The following SP3 variants were observed in gnomAD, a reference collection of about 807,000 sequenced individuals.
The protein encoded by SP3 is Sp3 transcription factor, also known as transcription factor Sp3.
A neutral mutation model predicts 70.3 loss-of-function variants in SP3; 10 were observed. That is an observed-to-expected ratio of 0.14 (90% CI 0.09 to 0.24). The LOEUF (loss-of-function observed/expected upper bound fraction) is 0.24, where lower values mean the gene tolerates loss of function less well. Ranked by LOEUF, SP3 falls within the 10% of genes least tolerant of loss-of-function variation. The pLI is 1.00. For missense variants in SP3, 825 were observed against 914.6 expected, an observed-to-expected ratio of 0.90 and a Z score of 1.26; for synonymous variants, 402 against 333.5, an observed-to-expected ratio of 1.21 and a Z score of -2.24.
rs954218973 is a variant in SP3 at position 173,905,580 on chromosome 2, G to A, written c.*4361C>T. Among the ~76,000 whole-genome samples, 2 of 151,772 alleles carry A rather than the reference G, an allele frequency of 1.3e-5. No homozygotes were observed. The highest frequency in any genetic ancestry group is 4.8e-5 in the African/African-American group (2 of 41,268). ...TTAAACGTATTTAATACAATGAAGT[G>A]GCATGAATCATGTTACATGACAATA... On this transcript the variant is annotated 3_prime_UTR_variant, in exon 7 of 7. Coordinates refer to ENST00000310015, the MANE Select transcript of SP3 (RefSeq NM_003111.5).
intron 4 of SP3, among the ~76,000 whole-genome samples, chr2:173,920,021 GAACATT>G (rs1052923615): frequency 4.0e-4 from 61 of 152,128 alleles, no homozygotes; most frequent in African/African-American, 1.4e-3. Context: ...TTAAAACAAT[GAACATT>G]AACAACAACT....
At position 173,955,368 on chromosome 2, in the gene SP3, G is replaced by C. The variant is rs1559108586; in HGVS notation, c.1144C>G (p.Gln382Glu). 1 of 1,613,956 alleles carries C rather than the reference G, an allele frequency of 6.2e-7. No homozygotes were observed. Among genetic ancestry groups the C allele is most frequent in the Middle Eastern group, 1.6e-4 (1 of 6,062 alleles). Reference sequence around the variant, plus strand: ...GTAGAAACCTGAATATTCTGTGCCTGTGTCTCTTCAGAAACAGGCGACTGG... The same window carrying C: ...GTAGAAACCTGAATATTCTGTGCCTCTGTCTCTTCAGAAACAGGCGACTGG... ...YIQSPVSEET[Q>E]AQNIQVSTAQ... is the part of the protein sequence containing the mutation. The change falls in exon 4 of 7, where the codon CAG becomes GAG. Residue 382 changes from glutamine (Q) to glutamate (E), a missense_variant. Around this residue, in one of 4 missense-constraint regions of SP3, gnomAD observed 678 missense variants for 651.6 expected, o/e 1.04. Transcript: ENST00000310015.
intron 3 of SP3, among the ~76,000 whole-genome samples, chr2:173,957,504 A>G (rs550272254): frequency 1.3e-5 from 2 of 152,294 alleles, no homozygotes; most frequent in East Asian, 1.9e-4. Flanking sequence ...AAAATCACAA[A>G]AAGAAACCCT....
intron 1 of SP3, 48 bp downstream of exon 1, chr2:173,965,117 A>AGCG (rs771317958): frequency 2.7e-5 from 42 of 1,542,208 alleles, no homozygotes; most frequent in South Asian, 1.6e-4. Flanking sequence ...GGTCGGCGGC[A>AGCG]GCGGCGGCGG....
chr2:173,957,419 A>G (rs1690931498), intron 3 of SP3, among the ~76,000 whole-genome samples: 1 of 152,168 alleles, frequency 6.6e-6, no homozygotes, highest in African/African-American at 2.4e-5. Context: ...TCATACAGAG[A>G]TAAAGTAGTA....
intron 3 of SP3, among the ~76,000 whole-genome samples, chr2:173,962,319 C>CA (rs1307416496): frequency 1.3e-5 from 2 of 152,016 alleles, no homozygotes; most frequent in African/African-American, 2.4e-5. Flanking sequence ...ATTTGAAATA[C>CA]AAAAAAGATC....
chr2:173,930,908 G>C (rs1458165209), intron 4 of SP3, among the ~76,000 whole-genome samples: 1 of 151,922 alleles, frequency 6.6e-6, no homozygotes, highest in Non-Finnish European at 1.5e-5. Flanking sequence ...AAAACTCAAA[G>C]GTAAAATTAA....
chr2:173,952,891 G>C (rs1449969268), intron 4 of SP3, among the ~76,000 whole-genome samples: 1 of 152,200 alleles, frequency 6.6e-6, no homozygotes, highest in Non-Finnish European at 1.5e-5. Flanking sequence ...CAGGGTCTGA[G>C]GGGAAGTGAA....
chr2:173,936,556 T>A (rs1690216184), intron 4 of SP3, among the ~76,000 whole-genome samples: 1 of 152,214 alleles, frequency 6.6e-6, no homozygotes, highest in Non-Finnish European at 1.5e-5. Context: ...CAGATTTCTA[T>A]TCATGCTATA....
chr2:173,935,117 T>G (rs1174787098), intron 4 of SP3, among the ~76,000 whole-genome samples: 1 of 152,124 alleles, frequency 6.6e-6, no homozygotes, highest in Non-Finnish European at 1.5e-5. Flanking sequence ...CAGTGACTCA[T>G]GCCTGTAATT....
At position 173,907,891 on chromosome 2, in the gene SP3, GA is replaced by G. The variant is rs2105449836; in HGVS notation, c.*2049del. Reference sequence around the variant, plus strand: ...ATCACAGGCTTAAGTCTCACATTTAGAAAAACTGTCCATGTTTATGCGTGTC... The same window carrying G: ...ATCACAGGCTTAAGTCTCACATTTAGAAAACTGTCCATGTTTATGCGTGTC... On this transcript the variant is annotated 3_prime_UTR_variant, in exon 7 of 7. Transcript: ENST00000310015. 6.6e-6 allele frequency: 1 copy of G among 152,162 alleles called. No homozygotes were observed. The highest frequency in any genetic ancestry group is 2.4e-5 in the African/African-American group (1 of 41,534). 9.4% of individuals were successfully genotyped at this position (152,162 alleles called of 1,614,324 possible).
At chr2:173,963,606 G>A (rs1372729220) in intron 3 of SP3, among the ~76,000 whole-genome samples, 155 bp downstream of exon 3, 2 of 152,120 alleles carry the variant, frequency 1.3e-5, no homozygotes, top group Non-Finnish European at 2.9e-5. Context: ...TCCAAACCGG[G>A]ATGCGAAAGA....
chr2:173,961,784 G>C (rs1691088095), intron 3 of SP3, among the ~76,000 whole-genome samples: 1 of 152,080 alleles, frequency 6.6e-6, no homozygotes, highest in South Asian at 2.1e-4. Context: ...GTGCTGAAAA[G>C]ATGTCTTAAG....
intron 4 of SP3, among the ~76,000 whole-genome samples, chr2:173,951,533 G>A (rs1377545442): frequency 6.6e-6 from 1 of 152,172 alleles, no homozygotes; most frequent in Non-Finnish European, 1.5e-5. Context: ...TGTCTAGAGT[G>A]AATAAAAGAA....
chr2:173,965,024 G>A (rs1307604233), intron 1 of SP3, 141 bp downstream of exon 1: 23 of 1,093,974 alleles, frequency 2.1e-5, no homozygotes, highest in South Asian at 1.5e-4. Flanking sequence ...GGAGGCGCAG[G>A]GGAGTGCAGC....
rs112606087 is a variant in SP3 at position 173,925,435 on chromosome 2, T to C, written c.1640-6650A>G. Among the ~76,000 whole-genome samples the C allele has an allele frequency of 1.1e-3, 174 of 152,234 alleles. 3 individuals carry two copies. The highest frequency in any genetic ancestry group is 4.0e-3 in the African/African-American group (166 of 41,534). ...ATGGGGGAGAGATGAAAAGGGAAGT[T>C]GGTATTTAAAAGGTAGAGTTTCAAT... On this transcript the variant is annotated intron_variant, in intron 4 of 6. Transcript: ENST00000310015.
intron 4 of SP3, among the ~76,000 whole-genome samples, chr2:173,919,626 T>A (rs918830094): frequency 1.3e-5 from 2 of 152,094 alleles, no homozygotes; most frequent in African/African-American, 2.4e-5. Context: ...TTGTTAAATA[T>A]CAGGGAAATA....
chr2:173,916,420 T>C (rs1689619800), intron 5 of SP3: 1 of 152,012 alleles, frequency 6.6e-6, no homozygotes, highest in Non-Finnish European at 1.5e-5. Flanking sequence ...TAACAATGCA[T>C]TCTACAAACC....
chr2:173,930,433 G>A (rs1175188612), intron 4 of SP3, among the ~76,000 whole-genome samples: 1 of 152,150 alleles, frequency 6.6e-6, no homozygotes, highest in African/African-American at 2.4e-5. Context: ...AGGTGCAGCA[G>A]TAATTGCTTC....
Sources: gnomAD v4.1 joint callset for allele counts (sites outside exome capture counted in the v4.1 genomes callset) on GRCh38, gnomAD v4.1.1 for gene constraint, gnomAD v4.1.1 regional missense constraint, MANE v1.5 for transcripts, NCBI Gene and HGNC (gene_info 2026-07-23, HGNC 2026-07-21) for gene names.